Variants in HELZ observed in about 807,000 individuals in gnomAD.
HELZ encodes the protein helicase with zinc finger.
A neutral mutation model predicts 218.2 loss-of-function variants in HELZ; 23 were observed. The observed-to-expected ratio is 0.11, with a 90% CI of 0.08 to 0.15. The LOEUF is 0.15. HELZ is among the 10% of genes least tolerant of loss of function. The probability of loss-of-function intolerance (pLI) is 1.00; values close to 1 mark genes in which losing one functional copy is unlikely to be tolerated. For missense variants in HELZ, 1,813 were observed against 2,353.7 expected, an observed-to-expected ratio of 0.77 and a Z score of 4.75; for synonymous variants, 814 against 829.4, an observed-to-expected ratio of 0.98 and a Z score of 0.32.
At chr17:67,149,507 C>T (rs2038608687) in intron 19 of HELZ, among the ~76,000 whole-genome samples, 1 of 151,974 alleles carries the variant, frequency 6.6e-6, no homozygotes, top group Non-Finnish European at 1.5e-5. Flanking sequence ...TTCAGGTAAA[C>T]AAATAATAGA....
intron 1 of HELZ, chr17:67,244,649 G>A (rs1036762308): frequency 2.7e-5 from 26 of 970,986 alleles, no homozygotes; most frequent in Non-Finnish European, 3.1e-5. Flanking sequence ...GGGGGCGCAC[G>A]CCTGACCCAC....
At chr17:67,124,272 A>C (rs913144913) in intron 24 of HELZ, among the ~76,000 whole-genome samples, 4 of 152,152 alleles carry the variant, frequency 2.6e-5, no homozygotes, top group Admixed American at 2.6e-4. Flanking sequence ...TTCCTTTTTT[A>C]TGAATATTTT....
chr17:67,230,489 T>C (rs2041007099), intron 3 of HELZ, among the ~76,000 whole-genome samples: 1 of 147,230 alleles, frequency 6.8e-6, no homozygotes, highest in African/African-American at 2.5e-5. Flanking sequence ...CCCAGCTACT[T>C]GGGAAGCTGA....
intron 27 of HELZ, among the ~76,000 whole-genome samples, chr17:67,117,609 G>C (rs554674145): frequency 1.3e-5 from 2 of 151,458 alleles, no homozygotes; most frequent in South Asian, 2.1e-4. Context: ...GAGTGCAGTG[G>C]TGTGATCTCG....
chr17:67,178,669 C>G lies in HELZ; in HGVS notation c.1420G>C (p.Glu474Gln), dbSNP rs1428926792. Residue 474 changes from glutamate to glutamine, a missense_variant, in exon 13 of 33, where the codon GAA (glutamate) becomes CAA (glutamine). Glu to Gln is a conservative substitution (Grantham distance 29, BLOSUM62 2). Transcript: ENST00000358691. The part of the protein sequence containing the change: ...LYIEEIAQYK[E>Q]ISKFNLKVQL... Reference sequence around the variant, plus strand: ...TCTAAAGTAACTTACTTGCTGATTTCTTTATACTGGGCTATCTCCTCAATA... The same window carrying G: ...TCTAAAGTAACTTACTTGCTGATTTGTTTATACTGGGCTATCTCCTCAATA... 1.9e-6 allele frequency: 3 copies of G among 1,606,108 alleles called. No individual in the cohort carries two copies. The highest frequency in any genetic ancestry group is 2.5e-6 in the Non-Finnish European group (3 of 1,176,902).
intron 18 of HELZ, among the ~76,000 whole-genome samples, chr17:67,150,762 C>G (rs953094111): frequency 6.6e-6 from 1 of 152,138 alleles, no homozygotes; most frequent in African/African-American, 2.4e-5. Flanking sequence ...ACTAAAATGT[C>G]TGAACTAGAG....
intron 7 of HELZ, chr17:67,200,896 T>C (rs1414941418): frequency 4.1e-6 from 2 of 492,754 alleles, no homozygotes; most frequent in South Asian, 3.4e-5. Context: ...TTCTGTCCAC[T>C]AGGGACAGAA....
intron 32 of HELZ, among the ~76,000 whole-genome samples, chr17:67,083,932 T>C (rs1332795345): frequency 6.6e-6 from 1 of 152,240 alleles, no homozygotes; most frequent in Non-Finnish European, 1.5e-5. Flanking sequence ...GGGTTTCTAT[T>C]TTAGGCTTAC....
rs778537274 is a variant in HELZ at position 67,161,068 on chromosome 17, T to C, written c.1904A>G (p.Asp635Gly). The C allele has an allele frequency of 2.5e-6, 4 of 1,604,918 alleles. No homozygotes were observed. Among genetic ancestry groups the C allele is most frequent in the Non-Finnish European group, 3.4e-6 (4 of 1,176,106 alleles). ...TIPWSPNRQW[D>G]EQLDPRLNAK... The stretch of plus-strand genomic sequence containing the variant: ...ATTTAGTCGAGGATCCAACTGTTCA[T>C]CCCATTGTCTATGGAAAATAAAAAT... The change falls in exon 16 of 33, where the codon GAT (aspartate) becomes GGT (glycine). Residue 635 changes from aspartate (D) to glycine (G), a missense_variant. Around this residue, in one of 4 missense-constraint regions of HELZ, gnomAD observed 714 missense variants for 1,029.2 expected, o/e 0.69. Coordinates refer to ENST00000358691, the MANE Select transcript of HELZ (RefSeq NM_014877.4).
At chr17:67,140,010 T>C (rs1436732858) in intron 21 of HELZ, among the ~76,000 whole-genome samples, 1 of 152,164 alleles carries the variant, frequency 6.6e-6, no homozygotes, top group Non-Finnish European at 1.5e-5. Context: ...GGAGAGCTGA[T>C]CCAATGGCCT....
intron 13 of HELZ, among the ~76,000 whole-genome samples, chr17:67,174,712 C>T (rs995678501): frequency 2.0e-5 from 3 of 152,076 alleles, no homozygotes; most frequent in African/African-American, 7.2e-5. Flanking sequence ...GCAGGAGAAT[C>T]GCTTGAACCC....
intron 17 of HELZ, among the ~76,000 whole-genome samples, chr17:67,153,134 T>C (rs2038738600): frequency 6.6e-6 from 1 of 152,162 alleles, no homozygotes; most frequent in South Asian, 2.1e-4. Flanking sequence ...GACAACTGTC[T>C]GGATAAGTTT....
chr17:67,101,689 T>C (rs1478058575), intron 31 of HELZ, among the ~76,000 whole-genome samples: 2 of 152,196 alleles, frequency 1.3e-5, no homozygotes, highest in Non-Finnish European at 2.9e-5. Context: ...ACTTCTGTTG[T>C]TTCTCTCTGC....
chr17:67,210,304 C>T (rs1284605024), intron 5 of HELZ, among the ~76,000 whole-genome samples: 1 of 152,210 alleles, frequency 6.6e-6, no homozygotes, highest in African/African-American at 2.4e-5. Context: ...ACAGAAGTTT[C>T]AACCAATCGC....
At chr17:67,161,106 C>T (rs776803619) in intron 15 of HELZ, 30 bp from the exon 16 acceptor site, 6 of 1,513,846 alleles carry the variant, frequency 4.0e-6, no homozygotes, top group East Asian at 2.3e-5. Flanking sequence ...ATGTTAAACA[C>T]ATGCATCTCG....
intron 25 of HELZ, among the ~76,000 whole-genome samples, chr17:67,123,387 A>G (rs1341964451): frequency 1.3e-5 from 2 of 152,184 alleles, no homozygotes; most frequent in African/African-American, 4.8e-5. Flanking sequence ...TTTATAAACT[A>G]GCATAATTTT....
intron 28 of HELZ, among the ~76,000 whole-genome samples, chr17:67,113,085 G>A (rs2037328388): frequency 6.6e-6 from 1 of 152,112 alleles, no homozygotes; most frequent in African/African-American, 2.4e-5. Context: ...TAGCTATAAA[G>A]GAGATGAAGG....
At chr17:67,214,270 T>TC (rs1308516479) in intron 5 of HELZ, among the ~76,000 whole-genome samples, 5 of 104,096 alleles carry the variant, frequency 4.8e-5, no homozygotes, top group Non-Finnish European at 1.2e-4. Flanking sequence ...TTTTTTTTTT[T>TC]TTTTTTTTTT....
At chr17:67,211,779 T>C (rs1031949100) in intron 5 of HELZ, among the ~76,000 whole-genome samples, 2 of 151,994 alleles carry the variant, frequency 1.3e-5, no homozygotes, top group African/African-American at 2.4e-5. Flanking sequence ...GAGAATTGCT[T>C]GAGCCCGTAA....
Sources: allele counts gnomAD v4.1 joint callset (sites outside exome capture counted in the v4.1 genomes callset), GRCh38; gene constraint gnomAD v4.1.1; regional missense constraint gnomAD v4.1.1; transcripts MANE v1.5; gene names NCBI Gene and HGNC (gene_info 2026-07-23, HGNC 2026-07-21).